Variants in EXOC6B observed in about 807,000 individuals in gnomAD.
EXOC6B encodes the protein SEC15 homolog B.
A neutral mutation model predicts 113.5 loss-of-function variants in EXOC6B; 54 were observed. That is an observed-to-expected ratio of 0.48 (90% CI 0.38 to 0.60). The LOEUF (loss-of-function observed/expected upper bound fraction) is 0.60, where lower values mean the gene tolerates loss of function less well. Among genes scored for constraint, EXOC6B ranks in the 20% least tolerant of loss-of-function variants. EXOC6B has a pLI of 0.00. For synonymous variants in EXOC6B, 357 were observed against 339.0 expected (o/e 1.05, Z -0.58); for missense variants, 797 against 977.5 (o/e 0.82, Z 2.46).
chr2:72,218,871 C>T (rs1265960980), intron 20 of EXOC6B, among the ~76,000 whole-genome samples: 2 of 151,618 alleles, frequency 1.3e-5, no homozygotes, highest in East Asian at 3.9e-4. Flanking sequence ...TCACATTGGC[C>T]ATGATGAAAC....
chr2:72,681,896 AT>A (rs1676728143), intron 6 of EXOC6B, among the ~76,000 whole-genome samples: 2 of 152,158 alleles, frequency 1.3e-5, no homozygotes, highest in South Asian at 4.1e-4. Context: ...TTTTGCTGTC[AT>A]TTAAAATGAC....
In EXOC6B at chr2:72,293,473, C is replaced by A. The variant is rs1029419543; in HGVS notation, c.2196+41474G>T. On this transcript the variant is annotated intron_variant, in intron 20 of 21. Coordinates refer to ENST00000272427, the MANE Select transcript of EXOC6B (RefSeq NM_015189.3). ...GGTAGGCTTATGATAAACAGTAAAC[C>A]ATTAATGTTTCATTAGATGAATAAT... 6.6e-4 allele frequency among the ~76,000 whole-genome samples: 100 copies of A among 151,986 alleles called. 1 individual carries two copies. The highest frequency in any genetic ancestry group is 4.6e-4 in the Admixed American group (7 of 15,242).
chr2:72,598,438 A>C (rs185288778), intron 6 of EXOC6B, among the ~76,000 whole-genome samples: 1 of 152,202 alleles, frequency 6.6e-6, no homozygotes, highest in Non-Finnish European at 1.5e-5. Flanking sequence ...AATTTATAGC[A>C]TTGAATGCAT....
chr2:72,781,754 A>G (rs1684050655), intron 1 of EXOC6B, among the ~76,000 whole-genome samples: 1 of 152,274 alleles, frequency 6.6e-6, no homozygotes, highest in Admixed American at 6.5e-5. Context: ...TTAAACTCAT[A>G]TATGATTGGT....
intron 8 of EXOC6B, among the ~76,000 whole-genome samples, chr2:72,521,171 T>G (rs1469462727): frequency 6.6e-6 from 1 of 152,154 alleles, no homozygotes; most frequent in Non-Finnish European, 1.5e-5. Context: ...CCCTCCCATC[T>G]CTTCTGCCAT....
Position 72,504,205 on chromosome 2 carries a change from G to A in EXOC6B, c.1168-4233C>T, listed in dbSNP as rs575130181. 1.2e-4 allele frequency among the ~76,000 whole-genome samples: 19 copies of A among 152,208 alleles called. 1 individual carries two copies. Among genetic ancestry groups the A allele is most frequent in the African/African-American group, 4.3e-4 (18 of 41,518 alleles). ...TTACAGGCATGAGCCACCATGGCTGGCCTTGTTTTCTTGTTTAATTTTAAG... is the reference window on the plus strand; with the variant it reads ...TTACAGGCATGAGCCACCATGGCTGACCTTGTTTTCTTGTTTAATTTTAAG... On this transcript the variant is annotated intron_variant, in intron 11 of 21. Transcript: ENST00000272427.
chr2:72,771,728 A>G (rs561176414), intron 1 of EXOC6B, among the ~76,000 whole-genome samples: 1 of 152,238 alleles, frequency 6.6e-6, no homozygotes, highest in South Asian at 2.1e-4. Flanking sequence ...TAATCTCAAC[A>G]TTTTGTGAGG....
chr2:72,737,196 G>T (rs937208322), intron 2 of EXOC6B, among the ~76,000 whole-genome samples: 3 of 151,954 alleles, frequency 2.0e-5, no homozygotes, highest in Non-Finnish European at 2.9e-5. Flanking sequence ...AATTGGCCAG[G>T]CATGATGGTA....
intron 18 of EXOC6B, chr2:72,461,774 A>T (rs1697694984): frequency 6.6e-6 from 1 of 152,078 alleles, no homozygotes. Flanking sequence ...AACTGACTCC[A>T]AAAAGACTAC....
chr2:72,584,253 T>C (rs1009202636), intron 6 of EXOC6B, among the ~76,000 whole-genome samples: 9 of 151,168 alleles, frequency 6.0e-5, no homozygotes, highest in African/African-American at 2.2e-4. Flanking sequence ...CCTTCCATCC[T>C]GTCTTTAAGA....
chr2:72,636,949 G>A lies in EXOC6B; in HGVS notation c.670-61281C>T, dbSNP rs368323540. Reference sequence around the variant, plus strand: ...CTACAAAAAAAAAAACTACTAGAACGAATAAATAAGTTCAGCAAAGTCACA... The same window carrying A: ...CTACAAAAAAAAAAACTACTAGAACAAATAAATAAGTTCAGCAAAGTCACA... On this transcript the variant is annotated intron_variant, in intron 6 of 21. Transcript: ENST00000272427. Among the ~76,000 whole-genome samples the A allele has an allele frequency of 5.1e-4, 77 of 150,492 alleles. 3 individuals are homozygous for A. The South Asian group carries it at 0.015, about 29-fold the overall frequency.
At chr2:72,349,888 G>A (rs990595373) in intron 19 of EXOC6B, among the ~76,000 whole-genome samples, 7 of 152,170 alleles carry the variant, frequency 4.6e-5, no homozygotes, top group African/African-American at 1.2e-4. Context: ...AGAGTCTGAA[G>A]TGGGGCAGTC....
At chr2:72,743,572 G>A (rs1195623494) in intron 1 of EXOC6B, among the ~76,000 whole-genome samples, 1 of 151,980 alleles carries the variant, frequency 6.6e-6, no homozygotes, top group South Asian at 2.1e-4. Flanking sequence ...ATGATATGTT[G>A]TCTATCTCCG....
At chr2:72,469,265 C>A (rs528197306) in intron 17 of EXOC6B, among the ~76,000 whole-genome samples, 4 of 152,002 alleles carry the variant, frequency 2.6e-5, no homozygotes, top group Non-Finnish European at 5.9e-5. Context: ...ATTTTCTCTA[C>A]TGATTTTCTA....
Position 72,451,240 on chromosome 2 carries a change from A to G in EXOC6B, c.1980+13920T>C, listed in dbSNP as rs191544940. On this transcript the variant is annotated intron_variant, in intron 18 of 21. Transcript: ENST00000272427. ...ATAGGCACAAAAGAAAATTAGCCTT[A>G]CAAAAGGTTCATGTCAAACTTCTTG... 7.9e-5 allele frequency among the ~76,000 whole-genome samples: 12 copies of G among 152,328 alleles called. No homozygotes were observed. The East Asian group carries it at 1.3e-3, about 17-fold the overall frequency.
chr2:72,369,185 A>G (rs1351560360), intron 19 of EXOC6B, among the ~76,000 whole-genome samples: 1 of 152,196 alleles, frequency 6.6e-6, no homozygotes, highest in Non-Finnish European at 1.5e-5. Context: ...TACAAAATCA[A>G]TGTGCAAAAA....
Position 72,824,523 on chromosome 2 carries a change from C to T in EXOC6B, c.113+1275G>A, listed in dbSNP as rs566043197. ...TGGCAGAAATGTGCTAACAATGTGTCCTGGAGAAGGAAGCTGTGCAAGTGG... is the reference window on the plus strand; with the variant it reads ...TGGCAGAAATGTGCTAACAATGTGTTCTGGAGAAGGAAGCTGTGCAAGTGG... On this transcript the variant is annotated intron_variant, in intron 1 of 21. Coordinates refer to ENST00000272427, the MANE Select transcript of EXOC6B (RefSeq NM_015189.3). Among the ~76,000 whole-genome samples, 5 of 152,208 alleles carry T rather than the reference C, an allele frequency of 3.3e-5. No homozygotes were observed. In the East Asian group the frequency reaches 5.8e-4, roughly 18 times the overall value.
At chr2:72,749,017 CA>C (rs1359610383) in intron 1 of EXOC6B, among the ~76,000 whole-genome samples, 2 of 152,008 alleles carry the variant, frequency 1.3e-5, no homozygotes, top group Non-Finnish European at 2.9e-5. Flanking sequence ...GATATAAAGG[CA>C]AAACAGGATT....
At chr2:72,405,000 A>C (rs1021970245) in intron 18 of EXOC6B, among the ~76,000 whole-genome samples, 5 of 152,242 alleles carry the variant, frequency 3.3e-5, no homozygotes, top group African/African-American at 1.2e-4. Context: ...ACCAATGCAG[A>C]GAAGTCCTTA....
Sources: allele counts gnomAD v4.1 joint callset (sites outside exome capture counted in the v4.1 genomes callset), GRCh38; gene constraint gnomAD v4.1.1; transcripts MANE v1.5; gene names NCBI Gene and HGNC (gene_info 2026-07-23, HGNC 2026-07-21).